Variants in ALMS1 observed in about 807,000 individuals in gnomAD.
The protein encoded by ALMS1 is centrosome-associated protein ALMS1.
Under a neutral mutation model 352.2 loss-of-function variants are expected in ALMS1, and 271 were observed. The observed-to-expected ratio is 0.77, with a 90% CI of 0.70 to 0.85. The LOEUF is 0.85. ALMS1 is among the 40% of genes least tolerant of loss of function. The probability of loss-of-function intolerance (pLI) is 0.00; values close to 1 mark genes in which losing one functional copy is unlikely to be tolerated. For synonymous variants in ALMS1, 1,865 were observed against 1,761.2 expected (o/e 1.06, Z -1.48); for missense variants, 5,445 against 4,870.7 (o/e 1.12, Z -3.51).
At chr2:73,568,884 G>A (rs1430587403) in intron 15 of ALMS1, among the ~76,000 whole-genome samples, 1 of 149,324 alleles carries the variant, frequency 6.7e-6, no homozygotes, top group Non-Finnish European at 1.5e-5. Context: ...CAACTTATTT[G>A]ACCTTTACTC....
rs756299846 is a variant in ALMS1, at chr2:73,452,079, A to G, written c.5552A>G (p.Tyr1851Cys). The G allele has an allele frequency of 6.2e-7, 1 of 1,614,072 alleles. No homozygotes were observed. The highest frequency in any genetic ancestry group is 8.5e-7 in the Non-Finnish European group (1 of 1,179,994). Residue 1851 changes from tyrosine to cysteine, a missense_variant, in exon 8 of 23, where the codon TAC (tyrosine) becomes TGC (cysteine). By Grantham distance (194) the Tyr-to-Cys change is radical (BLOSUM62 -2). Transcript: ENST00000613296. ...ATAAACATCCTGCCCTCTAATTCCT[A>G]CCCACAGAGAGAGCACTCTGTCATT... Reference protein sequence around the residue: ...TGINILPSNSYPQREHSVISY... With the variant: ...TGINILPSNSCPQREHSVISY...
At chr2:73,416,798 G>GACTT (rs143078717) in intron 2 of ALMS1, among the ~76,000 whole-genome samples, 2 of 151,756 alleles carry the variant, frequency 1.3e-5, no homozygotes, top group African/African-American at 2.4e-5. Context: ...CAAATTGAAT[G>GACTT]AATTATTTAA....
chr2:73,466,060 G>T (rs1484004705), intron 9 of ALMS1, among the ~76,000 whole-genome samples: 1 of 152,222 alleles, frequency 6.6e-6, no homozygotes, highest in Non-Finnish European at 1.5e-5. Flanking sequence ...TTCAACCACT[G>T]TGGAAGTCAG....
chr2:73,530,617 A>G (rs531504361), intron 11 of ALMS1, among the ~76,000 whole-genome samples: 35 of 152,314 alleles, frequency 2.3e-4, no homozygotes, highest in African/African-American at 8.4e-4. Context: ...TCACAGCTCC[A>G]CTAGGCAGTG....
chr2:73,557,379 A>G, intron 14 of ALMS1, 25 bp downstream of exon 14: 1 of 1,613,810 alleles, frequency 6.2e-7, no homozygotes. Context: ...TTGTCTGCGT[A>G]TTATTTTCTT....
intron 9 of ALMS1, among the ~76,000 whole-genome samples, chr2:73,461,174 T>G (rs576140971): frequency 6.6e-6 from 1 of 152,206 alleles, no homozygotes; most frequent in African/African-American, 2.4e-5. Context: ...GCAGCCTAAC[T>G]GGGAGGCACC....
rs200210826 is a variant in ALMS1 at position 73,448,535 on chromosome 2, T to A, written c.2008T>A (p.Ser670Thr). ...ACCTACAGTATCCTCTACATCCCAC[T>A]CACATGTAGAGGACCTCCTCTTTTT... Reference protein sequence around the residue: ...GIPTVSSTSHSHVEDLLFFYR... With the variant: ...GIPTVSSTSHTHVEDLLFFYR... The change falls in exon 8 of 23, where the codon TCA becomes ACA. Residue 670 changes from serine to threonine, a missense_variant. By Grantham distance (58) the Ser-to-Thr change is moderately conservative. Coordinates refer to ENST00000613296, the MANE Select transcript of ALMS1 (RefSeq NM_001378454.1). 1.5e-4 allele frequency: 241 copies of A among 1,613,712 alleles called. No individual in the cohort carries two copies. The highest frequency in any genetic ancestry group is 1.9e-4 in the Non-Finnish European group (223 of 1,179,902).
At chr2:73,416,846 C>T (rs1671190360) in intron 2 of ALMS1, among the ~76,000 whole-genome samples, 1 of 151,998 alleles carries the variant, frequency 6.6e-6, no homozygotes, top group Non-Finnish European at 1.5e-5. Flanking sequence ...ACTTGTAATC[C>T]CAGCACTTTG....
chr2:73,602,050 A>G, intron 19 of ALMS1, 135 bp from the exon 20 acceptor site: 1 of 928,074 alleles, frequency 1.1e-6, no homozygotes, highest in East Asian at 2.7e-5. Context: ...GGATTCTTCA[A>G]CGCTAGATAC....
chr2:73,554,071 C>G (rs554729101), intron 13 of ALMS1, among the ~76,000 whole-genome samples: 4 of 151,996 alleles, frequency 2.6e-5, no homozygotes, highest in Non-Finnish European at 5.9e-5. Context: ...TTGTAAGCCT[C>G]GTGAAACTAT....
chr2:73,509,586 C>G (rs553575036), intron 10 of ALMS1, among the ~76,000 whole-genome samples: 1 of 152,176 alleles, frequency 6.6e-6, no homozygotes, highest in African/African-American at 2.4e-5. Flanking sequence ...GAATGTTGGC[C>G]CCCACTCTCT....
intron 9 of ALMS1, among the ~76,000 whole-genome samples, chr2:73,468,819 C>G (rs936167072): frequency 1.1e-4 from 17 of 151,868 alleles, no homozygotes; most frequent in Admixed American, 3.3e-4. Context: ...AAGGAGGAAC[C>G]TGCTTCTGTC....
chr2:73,537,055 T>G (rs565131155), intron 12 of ALMS1, among the ~76,000 whole-genome samples: 2 of 152,276 alleles, frequency 1.3e-5, no homozygotes, highest in East Asian at 3.9e-4. Context: ...TATCTAGTGG[T>G]TCCGTGAAGA....
At chr2:73,480,848 G>A (rs937074801) in intron 9 of ALMS1, among the ~76,000 whole-genome samples, 4 of 151,196 alleles carry the variant, frequency 2.6e-5, no homozygotes, top group East Asian at 1.9e-4. Context: ...ATTTTTTCAT[G>A]TGTTTTTTGT....
chr2:73,509,777 C>T (rs1673411471), intron 10 of ALMS1, among the ~76,000 whole-genome samples: 2 of 152,122 alleles, frequency 1.3e-5, no homozygotes, highest in African/African-American at 4.8e-5. Flanking sequence ...GTGGTGTTCT[C>T]TGTATTTCTT....
intron 10 of ALMS1, among the ~76,000 whole-genome samples, 184 bp from the exon 11 acceptor site, chr2:73,519,591 A>G (rs1363995901): frequency 1.3e-5 from 2 of 152,232 alleles, no homozygotes; most frequent in African/African-American, 4.8e-5. Flanking sequence ...CATGTGTGAT[A>G]ACATTGTATC....
intron 1 of ALMS1, among the ~76,000 whole-genome samples, chr2:73,388,828 G>A (rs1353714640): frequency 2.6e-5 from 4 of 152,012 alleles, no homozygotes; most frequent in African/African-American, 9.7e-5. Flanking sequence ...CGTCTAGCTG[G>A]TGTAGAACAC....
chr2:73,508,210 T>TTC (rs2103936567), intron 10 of ALMS1, among the ~76,000 whole-genome samples: 1 of 146,780 alleles, frequency 6.8e-6, no homozygotes, highest in African/African-American at 2.5e-5. Flanking sequence ...TCTTCTTCTT[T>TTC]TTTTTTTTTT....
chr2:73,425,853 T>C (rs1671366995), intron 5 of ALMS1, among the ~76,000 whole-genome samples: 1 of 152,166 alleles, frequency 6.6e-6, no homozygotes, highest in African/African-American at 2.4e-5. Flanking sequence ...TATACTGGCA[T>C]CCAAATTTAA....
Sources: allele counts gnomAD v4.1 joint callset (sites outside exome capture counted in the v4.1 genomes callset), GRCh38; gene constraint gnomAD v4.1.1; transcripts MANE v1.5; gene names NCBI Gene and HGNC (gene_info 2026-07-23, HGNC 2026-07-21).